ORC5: variants seen among roughly 807,000 people sequenced by gnomAD.
The protein encoded by ORC5 is protein phosphatase 1, regulatory subunit 117.
Under a neutral mutation model 58.8 loss-of-function variants are expected in ORC5, and 39 were observed. The ratio of observed to expected loss-of-function variants is 0.66; its 90% CI spans 0.51 to 0.87. The LOEUF is 0.87. Ranked by LOEUF, ORC5 falls within the 40% of genes least tolerant of loss-of-function variation. ORC5 has a pLI of 0.00. For missense variants in ORC5, 493 were observed against 506.3 expected (o/e 0.97, Z 0.25); for synonymous variants, 218 against 177.6 (o/e 1.23, Z -1.81).
intron 13 of ORC5, 91 bp from the exon 14 acceptor site, chr7:104,126,984 T>G: frequency 1.2e-6 from 1 of 827,330 alleles, no homozygotes. Context: ...AAATAATTCA[T>G]GACTAATGCT....
intron 8 of ORC5, among the ~76,000 whole-genome samples, chr7:104,173,840 TTTTTC>T (rs1344833068): frequency 0.01 from 951 of 91,812 alleles, 16 homozygotes; most frequent in Non-Finnish European, 0.014. Context: ...GGTTTAAAAT[TTTTTC>T]TTTTTTTTTT....
At chr7:104,174,030 G>A (rs1191839593) in intron 8 of ORC5, among the ~76,000 whole-genome samples, 2 of 150,978 alleles carry the variant, frequency 1.3e-5, no homozygotes, top group Non-Finnish European at 3.0e-5. Context: ...ATTTTTAGTA[G>A]AGACGGGGTT....
At chr7:104,132,299 A>G (rs1798525521) in intron 13 of ORC5, among the ~76,000 whole-genome samples, 2 of 152,172 alleles carry the variant, frequency 1.3e-5, no homozygotes, top group African/African-American at 4.8e-5. Context: ...TTAAGCTTAC[A>G]TCATGAGTTA....
chr7:104,186,009 GAGA>G (rs985906182), intron 6 of ORC5, among the ~76,000 whole-genome samples: 42 of 152,068 alleles, frequency 2.8e-4, no homozygotes, highest in African/African-American at 9.2e-4. Flanking sequence ...ACTAAGTGTA[GAGA>G]AGAAGAATCA....
At chr7:104,190,159 A>G (rs1180231698) in intron 5 of ORC5, among the ~76,000 whole-genome samples, 1 of 152,168 alleles carries the variant, frequency 6.6e-6, no homozygotes, top group Non-Finnish European at 1.5e-5. Context: ...GGTAAAAAAA[A>G]AATTATTAAA....
At chr7:104,144,488 G>A (rs752476949) in intron 12 of ORC5, among the ~76,000 whole-genome samples, 31 of 152,278 alleles carry the variant, frequency 2.0e-4, no homozygotes, top group Non-Finnish European at 3.7e-4. Context: ...GGGAGCAGTG[G>A]CTCACACCTG....
At chr7:104,186,615 C>T (rs1444928118) in intron 6 of ORC5, among the ~76,000 whole-genome samples, 2 of 151,950 alleles carry the variant, frequency 1.3e-5, no homozygotes, top group Non-Finnish European at 2.9e-5. Context: ...AGCATCTTTC[C>T]AGAAAAGATC....
At chr7:104,128,954 CAACTT>C (rs1312261404) in intron 13 of ORC5, among the ~76,000 whole-genome samples, 4 of 150,780 alleles carry the variant, frequency 2.7e-5, no homozygotes. Context: ...AAGATTAAAA[CAACTT>C]AAATTCCAAA....
intron 12 of ORC5, among the ~76,000 whole-genome samples, chr7:104,142,769 T>A (rs1357888364): frequency 1.3e-5 from 2 of 152,164 alleles, no homozygotes; most frequent in Non-Finnish European, 2.9e-5. Context: ...TTAATAATGA[T>A]AAAATGCAGG....
intron 8 of ORC5, among the ~76,000 whole-genome samples, chr7:104,182,874 C>A (rs1278706622): frequency 2.0e-5 from 3 of 152,140 alleles, no homozygotes; most frequent in African/African-American, 7.2e-5. Context: ...GTGGCTCACA[C>A]CTGTAATCCC....
chr7:104,136,702 G>A lies in ORC5; in HGVS notation c.1262+79C>T. On this transcript the variant is annotated intron_variant, in intron 13 of 13. Transcript: ENST00000297431. The surrounding 1 kb of genome is among the most constrained non-coding windows in gnomAD (Gnocchi z 4.2). ...ATAGATGATTTTTTCATGTTTAAAT[G>A]TCATGACTAATGACATCACATTTGG... The A allele has an allele frequency of 1.1e-6, 1 of 884,410 alleles. No homozygotes were observed. The highest frequency in any genetic ancestry group is 1.8e-6 in the Non-Finnish European group (1 of 544,214). 54.8% of individuals were successfully genotyped at this position (884,410 alleles called of 1,614,324 possible).
intron 8 of ORC5, 121 bp downstream of exon 8, chr7:104,183,822 T>G: frequency 1.5e-6 from 1 of 668,484 alleles, no homozygotes; most frequent in Non-Finnish European, 2.5e-6. Flanking sequence ...CCCATTGCAA[T>G]GCCAATCCTC....
At chr7:104,127,365 C>T (rs187688048) in intron 13 of ORC5, among the ~76,000 whole-genome samples, 5 of 152,270 alleles carry the variant, frequency 3.3e-5, no homozygotes, top group Admixed American at 1.3e-4. Flanking sequence ...AGTCTTTTAA[C>T]GCTGGCTGAC....
intron 12 of ORC5, among the ~76,000 whole-genome samples, chr7:104,155,254 A>G (rs887206386): frequency 6.6e-6 from 1 of 151,746 alleles, no homozygotes; most frequent in African/African-American, 2.4e-5. Flanking sequence ...GAAAAGGTAT[A>G]TATTTGTATA....
At chr7:104,135,155 T>C (rs901518371) in intron 13 of ORC5, among the ~76,000 whole-genome samples, 1 of 152,170 alleles carries the variant, frequency 6.6e-6, no homozygotes, top group African/African-American at 2.4e-5. Flanking sequence ...CACATGATTA[T>C]ACTGGGGCAC....
chr7:104,145,650 T>G (rs1337099370), intron 12 of ORC5, among the ~76,000 whole-genome samples: 4 of 152,120 alleles, frequency 2.6e-5, no homozygotes, highest in Non-Finnish European at 5.9e-5. Flanking sequence ...TTTGTTATTC[T>G]TCCCTGCTAA....
chr7:104,190,670 T>C (rs1229697630), intron 5 of ORC5, among the ~76,000 whole-genome samples: 1 of 152,128 alleles, frequency 6.6e-6, no homozygotes, highest in Non-Finnish European at 1.5e-5. Context: ...TAAGATCCTC[T>C]GACTTCTTGG....
chr7:104,184,465 A>C lies in ORC5; in HGVS notation c.685-294T>G, dbSNP rs1414222449. ...CATGGCAAGACCCTGCTTCTTTCTA[A>C]AAAAAAATGTAATTGTAGCTTATTA... On this transcript the variant is annotated intron_variant, in intron 6 of 13. Coordinates refer to ENST00000297431, the MANE Select transcript of ORC5 (RefSeq NM_002553.4). The C allele has an allele frequency of 7.2e-5, 21 of 292,240 alleles. No individual in the cohort carries two copies. In the East Asian group the frequency reaches 1.3e-3, roughly 19 times the overall value. The allele number at this position is 292,240 out of a possible 1,614,324, so 18.1% of individuals were successfully genotyped here.
chr7:104,129,155 A>G lies in ORC5; in HGVS notation c.1263-2262T>C, dbSNP rs1195673057. Among the ~76,000 whole-genome samples, 2 of 152,206 alleles carry G rather than the reference A, an allele frequency of 1.3e-5. No individual in the cohort carries two copies. The highest frequency in any genetic ancestry group is 2.9e-5 in the Non-Finnish European group (2 of 68,028). On this transcript the variant is annotated intron_variant, in intron 13 of 13. Coordinates refer to ENST00000297431, the MANE Select transcript of ORC5 (RefSeq NM_002553.4). This position sits in a 1 kb window ranked among gnomAD's most constrained non-coding sequence, Gnocchi z 4.9. Reference sequence around the variant, plus strand: ...ACTAGTACTAGAAGAGCACAAATACATGAAAATATTGTGATGTCTGTAGGA... The same window carrying G: ...ACTAGTACTAGAAGAGCACAAATACGTGAAAATATTGTGATGTCTGTAGGA...
Sources: gnomAD v4.1 joint callset for allele counts (sites outside exome capture counted in the v4.1 genomes callset) on GRCh38, gnomAD v4.1.1 for gene constraint, Gnocchi (gnomAD v3.1) non-coding constraint, MANE v1.5 for transcripts, NCBI Gene and HGNC (gene_info 2026-07-23, HGNC 2026-07-21) for gene names.